ENTHD1: variants seen among roughly 807,000 people sequenced by gnomAD.
The protein encoded by ENTHD1 is ENTH domain containing 1.
In ENTHD1, 23 loss-of-function variants were observed where a neutral mutation model predicts 39.1. The ratio of observed to expected loss-of-function variants is 0.59; its 90% CI spans 0.42 to 0.83. ENTHD1 has a LOEUF of 0.83. ENTHD1 is among the 40% of genes least tolerant of loss of function. The pLI is 0.00. For synonymous variants in ENTHD1, 230 were observed against 258.2 expected (o/e 0.89, Z 1.05); for missense variants, 624 against 705.4 (o/e 0.88, Z 1.31).
rs776918756 is a variant in ENTHD1, at chr22:39,743,799, T to G, written c.1704A>C (p.Thr568=). Residue 568 remains threonine, a synonymous_variant, in exon 7 of 7, where the codon ACA becomes ACC. Transcript: ENST00000325157. ...AIARLHEDLS[T]VIQELNVINN... The stretch of plus-strand genomic sequence containing the variant: ...TGATGACATTAAGTTCTTGGATCAC[T>G]GTGCTCAGATCTTCATGTAATCTAG... 1.2e-6 allele frequency: 2 copies of G among 1,614,192 alleles called. No individual in the cohort carries two copies. The highest frequency in any genetic ancestry group is 2.2e-5 in the South Asian group (2 of 91,078).
chr22:39,869,748 CAAAG>C (rs1207440581), intron 2 of ENTHD1, among the ~76,000 whole-genome samples: 2 of 150,130 alleles, frequency 1.3e-5, no homozygotes, highest in African/African-American at 4.9e-5. Context: ...AACCCTCTAA[CAAAG>C]ATTTTTAAAT....
chr22:39,845,898 GT>G (rs1019680850), intron 3 of ENTHD1, among the ~76,000 whole-genome samples: 3 of 148,530 alleles, frequency 2.0e-5, no homozygotes, highest in Non-Finnish European at 3.0e-5. Flanking sequence ...TTTACATGGT[GT>G]TTTTTTTTCC....
intron 5 of ENTHD1, among the ~76,000 whole-genome samples, chr22:39,767,495 C>T (rs1382964822): frequency 2.6e-5 from 4 of 152,002 alleles, no homozygotes; most frequent in African/African-American, 7.2e-5. Context: ...AACACCCAAA[C>T]GAATATATTC....
chr22:39,835,558 G>C (rs185375611), intron 4 of ENTHD1, among the ~76,000 whole-genome samples: 1 of 151,974 alleles, frequency 6.6e-6, no homozygotes, highest in East Asian at 1.9e-4. Context: ...AATATTTAAA[G>C]CCTTGAATAA....
At chr22:39,822,882 A>G (rs1329846488) in intron 4 of ENTHD1, among the ~76,000 whole-genome samples, 1 of 152,230 alleles carries the variant, frequency 6.6e-6, no homozygotes, top group African/African-American at 2.4e-5. Context: ...AATAGAGCCT[A>G]TGTAACCTTT....
rs186762763 is a variant in ENTHD1, at chr22:39,875,121, T to C, written c.349+12279A>G. On this transcript the variant is annotated intron_variant, in intron 2 of 6. Transcript: ENST00000325157. ...GATAAACTGTGGTATGCACATACAA[T>C]TGAATACAACTCAGCAATAAAAACA... Among the ~76,000 whole-genome samples, 19 of 152,294 alleles carry C rather than the reference T, an allele frequency of 1.2e-4. No individual in the cohort carries two copies. In the East Asian group the frequency reaches 3.1e-3, roughly 25 times the overall value.
intron 5 of ENTHD1, among the ~76,000 whole-genome samples, chr22:39,781,816 C>CA (rs367852443): frequency 2.2e-4 from 34 of 151,856 alleles, no homozygotes; most frequent in African/African-American, 8.0e-4. Flanking sequence ...CAGAAACAAA[C>CA]AAAAAATAGA....
chr22:39,841,342 G>GAGC (rs2065942992), intron 3 of ENTHD1, among the ~76,000 whole-genome samples: 1 of 152,168 alleles, frequency 6.6e-6, no homozygotes, highest in Admixed American at 6.5e-5. Context: ...AGCCATTAGG[G>GAGC]AGCGCTCTTA....
At chr22:39,783,117 A>G (rs1302681983) in intron 5 of ENTHD1, among the ~76,000 whole-genome samples, 3 of 152,202 alleles carry the variant, frequency 2.0e-5, no homozygotes, top group Non-Finnish European at 4.4e-5. Flanking sequence ...ATTCAGTAGC[A>G]CTTATATATG....
intron 5 of ENTHD1, among the ~76,000 whole-genome samples, chr22:39,791,689 T>C (rs959948802): frequency 6.6e-6 from 1 of 152,178 alleles, no homozygotes; most frequent in African/African-American, 2.4e-5. Context: ...TGAGCCACCA[T>C]GTCTGGCCTA....
At chr22:39,772,053 A>G (rs1177188195) in intron 5 of ENTHD1, among the ~76,000 whole-genome samples, 1 of 152,242 alleles carries the variant, frequency 6.6e-6, no homozygotes, top group Non-Finnish European at 1.5e-5. Flanking sequence ...TTAAACGACT[A>G]TAGCAGCAGT....
At chr22:39,890,452 G>A (rs1194323500) in intron 1 of ENTHD1, among the ~76,000 whole-genome samples, 3 of 151,802 alleles carry the variant, frequency 2.0e-5, no homozygotes, top group South Asian at 2.1e-4. Context: ...AACAAATATC[G>A]ATCTGTTTCT....
intron 5 of ENTHD1, among the ~76,000 whole-genome samples, chr22:39,779,635 T>C (rs1253014912): frequency 1.3e-5 from 2 of 152,084 alleles, no homozygotes; most frequent in Admixed American, 6.5e-5. Flanking sequence ...ACTCTAATAC[T>C]GTAACTGTGT....
intron 4 of ENTHD1, among the ~76,000 whole-genome samples, chr22:39,830,048 C>G (rs796550610): frequency 4.7e-4 from 72 of 152,046 alleles, no homozygotes; most frequent in African/African-American, 1.7e-3. Context: ...GCCCTGTTGT[C>G]TTATCTTTTA....
At chr22:39,848,262 T>C (rs1254154315) in intron 3 of ENTHD1, among the ~76,000 whole-genome samples, 1 of 151,912 alleles carries the variant, frequency 6.6e-6, no homozygotes, top group East Asian at 1.9e-4. Flanking sequence ...TAATTAATTT[T>C]TTTTTTTTTT....
intron 1 of ENTHD1, among the ~76,000 whole-genome samples, chr22:39,893,040 C>G (rs1397488473): frequency 6.6e-6 from 1 of 152,152 alleles, no homozygotes; most frequent in Admixed American, 6.5e-5. Flanking sequence ...ACACAGTCCT[C>G]ACACCCTGGA....
chr22:39,804,210 G>A (rs1225593795), intron 5 of ENTHD1, among the ~76,000 whole-genome samples: 1 of 151,934 alleles, frequency 6.6e-6, no homozygotes, highest in East Asian at 1.9e-4. Context: ...AAAAGGCTGA[G>A]TGCAGTGGCT....
chr22:39,795,969 TTAGTC>T (rs958208554), intron 5 of ENTHD1, among the ~76,000 whole-genome samples: 2 of 152,162 alleles, frequency 1.3e-5, no homozygotes, highest in Non-Finnish European at 2.9e-5. Flanking sequence ...ATTTTCTTAT[TTAGTC>T]TAGCTAGCAG....
At chr22:39,828,730 T>C in intron 4 of ENTHD1, among the ~76,000 whole-genome samples, 1 of 152,114 alleles carries the variant, frequency 6.6e-6, no homozygotes, top group East Asian at 1.9e-4. Flanking sequence ...AAGAGTAAGG[T>C]CTTTTGAGGT....
Sources: allele counts gnomAD v4.1 joint callset (sites outside exome capture counted in the v4.1 genomes callset), GRCh38; gene constraint gnomAD v4.1.1; transcripts MANE v1.5; gene names NCBI Gene and HGNC (gene_info 2026-07-23, HGNC 2026-07-21).